The following DPP6 variants were observed in gnomAD, a reference collection of about 807,000 sequenced individuals.
DPP6 encodes the protein A-type potassium channel modulatory protein DPP6.
DPP6 carries 69 observed loss-of-function variants against 122.6 expected under a neutral mutation model. The ratio of observed to expected loss-of-function variants is 0.56; its 90% CI spans 0.46 to 0.69. DPP6 has a LOEUF of 0.69. DPP6 is among the 30% of genes least tolerant of loss of function. The pLI, the probability that DPP6 is intolerant of heterozygous loss-of-function variation, is 0.00. For synonymous variants in DPP6, 418 were observed against 433.1 expected, an observed-to-expected ratio of 0.97 and a Z score of 0.43; for missense variants, 928 against 1,116.9, an observed-to-expected ratio of 0.83 and a Z score of 2.41.
At chr7:154,351,837 G>A (rs960973152) in intron 1 of DPP6, among the ~76,000 whole-genome samples, 13 of 152,250 alleles carry the variant, frequency 8.5e-5, no homozygotes, top group African/African-American at 3.1e-4. Context: ...GCTGAGCACC[G>A]GCTTGTCTCA....
At chr7:153,807,396 G>C in the DPP6 span, among the ~76,000 whole-genome samples, 1 of 150,880 alleles carries the variant, frequency 6.6e-6, no homozygotes, top group South Asian at 2.1e-4. Context: ...GCCACAGAGC[G>C]AGACTCCATC....
chr7:154,070,454 G>T (rs1803038027), intron 1 of DPP6, among the ~76,000 whole-genome samples: 1 of 152,090 alleles, frequency 6.6e-6, no homozygotes, highest in Non-Finnish European at 1.5e-5. Context: ...ATTTTTAAAA[G>T]GTCCTGACAA....
chr7:154,882,122 A>T lies in DPP6; in HGVS notation c.2133+1180A>T, dbSNP rs183089469. On this transcript the variant is annotated intron_variant, in intron 21 of 25. Coordinates refer to ENST00000377770, the MANE Select transcript of DPP6 (RefSeq NM_130797.4). ...TTGGCCTCCTTCCTGTGCCTTGCAT[A>T]TAGTCCATCCACTCAGGGCCTTTCA... 8.5e-5 allele frequency among the ~76,000 whole-genome samples: 13 copies of T among 152,270 alleles called. No homozygotes were observed. In the East Asian group the frequency reaches 2.5e-3, roughly 29 times the overall value.
At chr7:154,285,047 G>A (rs1485854289) in intron 1 of DPP6, among the ~76,000 whole-genome samples, 1 of 152,156 alleles carries the variant, frequency 6.6e-6, no homozygotes, top group Non-Finnish European at 1.5e-5. Context: ...CTACAAAATT[G>A]CTGTTTGGTG....
intron 1 of DPP6, among the ~76,000 whole-genome samples, chr7:153,950,982 G>A (rs1353757142): frequency 6.6e-6 from 1 of 152,196 alleles, no homozygotes; most frequent in African/African-American, 2.4e-5. Context: ...ACACCTAGGT[G>A]AGCAGATAGT....
intron 1 of DPP6, among the ~76,000 whole-genome samples, chr7:154,199,618 C>CTT (rs557819091): frequency 7.0e-6 from 1 of 142,076 alleles, no homozygotes; most frequent in Non-Finnish European, 1.6e-5. Flanking sequence ...TTTTTTTTTT[C>CTT]TTTTTTTTTG....
At chr7:154,725,271 A>T (rs1263458998) in intron 7 of DPP6, among the ~76,000 whole-genome samples, 1 of 152,218 alleles carries the variant, frequency 6.6e-6, no homozygotes, top group Non-Finnish European at 1.5e-5. Flanking sequence ...TGCAAAAATA[A>T]TCCAATTTGA....
intron 1 of DPP6, among the ~76,000 whole-genome samples, chr7:154,395,242 A>T (rs943442721): frequency 1.3e-5 from 2 of 152,150 alleles, no homozygotes; most frequent in Admixed American, 1.3e-4. Context: ...TCTTGACCTA[A>T]TCAACTCCCA....
At chr7:154,852,191 C>T (rs6948431) in intron 16 of DPP6, among the ~76,000 whole-genome samples, 31,869 of 152,048 alleles carry the variant, frequency 0.21, 3,819 homozygotes, top group African/African-American at 0.34. Flanking sequence ...AGTTGTCAGA[C>T]GGCCCCTCAG....
intron 1 of DPP6, among the ~76,000 whole-genome samples, chr7:153,970,234 A>G (rs1196273713): frequency 6.6e-6 from 1 of 152,208 alleles, no homozygotes; most frequent in Non-Finnish European, 1.5e-5. Context: ...GTTTAACGTT[A>G]TTAGAAACTG....
intron 1 of DPP6, among the ~76,000 whole-genome samples, chr7:154,173,444 C>T (rs1797637013): frequency 6.6e-6 from 1 of 152,154 alleles, no homozygotes; most frequent in Non-Finnish European, 1.5e-5. Flanking sequence ...TAAAAGGCAG[C>T]CCCGGATTTT....
intron 1 of DPP6, among the ~76,000 whole-genome samples, chr7:154,376,414 G>T (rs1813136279): frequency 6.6e-6 from 1 of 152,326 alleles, no homozygotes; most frequent in African/African-American, 2.4e-5. Context: ...GTTTTAACAA[G>T]TATTCCTGGT....
chr7:154,830,294 C>A (rs1800531441), intron 16 of DPP6, among the ~76,000 whole-genome samples: 1 of 152,216 alleles, frequency 6.6e-6, no homozygotes, highest in African/African-American at 2.4e-5. Context: ...CTCTGCTCAG[C>A]CACTAATTGC....
At chr7:154,500,661 C>A (rs1825160618) in intron 3 of DPP6, among the ~76,000 whole-genome samples, 2 of 152,184 alleles carry the variant, frequency 1.3e-5, no homozygotes, top group Admixed American at 6.5e-5. Flanking sequence ...GATTGTGAGG[C>A]CTCCCCAGCC....
At chr7:154,754,961 C>T (rs1214537066) in intron 8 of DPP6, among the ~76,000 whole-genome samples, 4 of 152,030 alleles carry the variant, frequency 2.6e-5, no homozygotes, top group Non-Finnish European at 5.9e-5. Context: ...GAACATCATA[C>T]ACTAGGGCCT....
chr7:154,519,605 T>C (rs368099095), intron 3 of DPP6, among the ~76,000 whole-genome samples: 1 of 152,236 alleles, frequency 6.6e-6, no homozygotes, highest in African/African-American at 2.4e-5. Flanking sequence ...CATTGGTTTC[T>C]CTGTTTTTCC....
At chr7:154,190,120 G>A (rs1798541863) in intron 1 of DPP6, among the ~76,000 whole-genome samples, 1 of 152,158 alleles carries the variant, frequency 6.6e-6, no homozygotes, top group Non-Finnish European at 1.5e-5. Flanking sequence ...AAGAATTGAA[G>A]GCAAGAGAGG....
intron 1 of DPP6, among the ~76,000 whole-genome samples, chr7:154,041,449 G>T (rs28421487): frequency 1.6e-4 from 24 of 152,280 alleles, no homozygotes; most frequent in African/African-American, 5.8e-4. Flanking sequence ...TGGCCCTCTC[G>T]GGAACTCTGT....
the DPP6 span, among the ~76,000 whole-genome samples, chr7:153,779,060 A>G: frequency 1.4e-5 from 2 of 147,474 alleles, no homozygotes; most frequent in Non-Finnish European, 2.9e-5. Context: ...AAATAGGCTA[A>G]GTGAAAAAAG....
Sources: allele counts gnomAD v4.1 joint callset (sites outside exome capture counted in the v4.1 genomes callset), GRCh38; gene constraint gnomAD v4.1.1; transcripts MANE v1.5; gene names NCBI Gene and HGNC (gene_info 2026-07-23, HGNC 2026-07-21).